SGCZ: variants seen among roughly 807,000 people sequenced by gnomAD.
SGCZ encodes the protein sarcoglycan zeta, also known as zeta-sarcoglycan.
A neutral mutation model predicts 41.3 loss-of-function variants in SGCZ; 40 were observed. The observed-to-expected ratio is 0.97, with a 90% CI of 0.75 to 1.26. The LOEUF (loss-of-function observed/expected upper bound fraction) is 1.26, where lower values mean the gene tolerates loss of function less well. Among genes scored for constraint, SGCZ ranks in the 50% most tolerant of loss-of-function variants. The pLI is 0.00. For missense variants in SGCZ, 552 were observed against 369.8 expected, an observed-to-expected ratio of 1.49 and a Z score of -4.04; for synonymous variants, 206 against 137.5, an observed-to-expected ratio of 1.50 and a Z score of -3.49.
At chr8:15,186,262 CAAAAAAAAAAAAAAAAAAAAAAAAAA>C (rs61237091) in intron 1 of SGCZ, among the ~76,000 whole-genome samples, 2 of 80,716 alleles carry the variant, frequency 2.5e-5, no homozygotes, top group Non-Finnish European at 4.4e-5. Flanking sequence ...GATTCCGTAC[CAAAAAAAAAAAAAAAAAAAAAAAAAA>C]AAAAAAAAAA....
intron 1 of SGCZ, among the ~76,000 whole-genome samples, chr8:14,568,303 C>T (rs1283860771): frequency 6.6e-6 from 1 of 151,746 alleles, no homozygotes; most frequent in Non-Finnish European, 1.5e-5. Context: ...AAACCTAGAT[C>T]ATGGGTTGAT....
At chr8:15,193,839 GTTCTACTTATTTT>G (rs1563176829) in intron 1 of SGCZ, among the ~76,000 whole-genome samples, 2 of 152,042 alleles carry the variant, frequency 1.3e-5, no homozygotes, top group African/African-American at 4.8e-5. Context: ...CACAAACCAC[GTTCTACTTATTTT>G]TTACATTTAT....
intron 1 of SGCZ, among the ~76,000 whole-genome samples, chr8:14,875,047 T>C (rs1804299190): frequency 6.6e-6 from 1 of 152,190 alleles, no homozygotes. Flanking sequence ...TGTGTATTGC[T>C]ATAACAAATG....
intron 3 of SGCZ, among the ~76,000 whole-genome samples, chr8:14,260,019 G>T (rs575208491): frequency 6.6e-6 from 1 of 152,026 alleles, no homozygotes; most frequent in African/African-American, 2.4e-5. Flanking sequence ...TCCTTGAAGA[G>T]GTCCTTCACA....
At chr8:15,156,453 T>G (rs1451963290) in intron 1 of SGCZ, among the ~76,000 whole-genome samples, 2 of 152,222 alleles carry the variant, frequency 1.3e-5, no homozygotes, top group Non-Finnish European at 2.9e-5. Context: ...GAAATCACTC[T>G]TGGATAGAAT....
At chr8:14,267,745 G>T (rs1307668298) in intron 3 of SGCZ, among the ~76,000 whole-genome samples, 1 of 152,018 alleles carries the variant, frequency 6.6e-6, no homozygotes, top group African/African-American at 2.4e-5. Flanking sequence ...AGTGTGAGGA[G>T]TTTGGGCTCA....
chr8:14,201,876 A>C (rs1805466836), intron 4 of SGCZ, among the ~76,000 whole-genome samples: 1 of 152,176 alleles, frequency 6.6e-6, no homozygotes, highest in Non-Finnish European at 1.5e-5. Context: ...AACAATAACA[A>C]CAAAACTGTT....
intron 1 of SGCZ, among the ~76,000 whole-genome samples, chr8:14,658,564 T>C (rs1451679526): frequency 1.3e-5 from 2 of 152,180 alleles, no homozygotes; most frequent in African/African-American, 4.8e-5. Context: ...TACACTTTGG[T>C]TCGCCCACTC....
At chr8:15,187,971 T>C (rs555855165) in intron 1 of SGCZ, among the ~76,000 whole-genome samples, 2 of 152,152 alleles carry the variant, frequency 1.3e-5, no homozygotes, top group African/African-American at 4.8e-5. Flanking sequence ...ATGATATCCG[T>C]ATTTGTGTAT....
At chr8:14,877,864 G>A (rs1804421341) in intron 1 of SGCZ, among the ~76,000 whole-genome samples, 1 of 151,666 alleles carries the variant, frequency 6.6e-6, no homozygotes, top group South Asian at 2.1e-4. Flanking sequence ...GGATTTTCAT[G>A]TTCCTTTCTG....
intron 1 of SGCZ, among the ~76,000 whole-genome samples, chr8:15,088,084 G>C (rs941413820): frequency 1.3e-5 from 2 of 152,056 alleles, no homozygotes; most frequent in Non-Finnish European, 2.9e-5. Flanking sequence ...AATAGAAAAA[G>C]GATCTGAAAG....
At chr8:15,154,403 C>A (rs1799268604) in intron 1 of SGCZ, among the ~76,000 whole-genome samples, 1 of 152,174 alleles carries the variant, frequency 6.6e-6, no homozygotes, top group Admixed American at 6.5e-5. Flanking sequence ...TGCCTCCCTT[C>A]CAGTGGCCAG....
intron 1 of SGCZ, among the ~76,000 whole-genome samples, chr8:14,916,610 C>CA (rs1186159413): frequency 6.6e-6 from 1 of 151,970 alleles, no homozygotes; most frequent in African/African-American, 2.4e-5. Flanking sequence ...CCTTTAAAGG[C>CA]AAAAAAGCAA....
intron 1 of SGCZ, among the ~76,000 whole-genome samples, chr8:15,156,081 GAGTGA>G (rs1055685871): frequency 1.7e-5 from 2 of 118,034 alleles, no homozygotes; most frequent in African/African-American, 6.9e-5. Context: ...AAAAATAGAA[GAGTGA>G]AGTGAAGGTC....
intron 1 of SGCZ, among the ~76,000 whole-genome samples, chr8:14,834,393 C>G (rs1802629196): frequency 1.3e-5 from 2 of 152,164 alleles, no homozygotes; most frequent in South Asian, 4.2e-4. Context: ...ACAGTATTAC[C>G]AAATCAATTT....
At position 14,085,826 on chromosome 8, in the gene SGCZ, T is replaced by G. The variant is rs1051584628; in HGVS notation, c.*4617A>C. Among the ~76,000 whole-genome samples, 2 of 151,820 alleles carry G rather than the reference T, an allele frequency of 1.3e-5. No individual in the cohort carries two copies. The highest frequency in any genetic ancestry group is 4.8e-5 in the African/African-American group (2 of 41,414). ...AGGATCCTCCAAGAAGGATGTTTACTACCTCATGTTATAATTATAAGCCCC... is the reference window on the plus strand; with the variant it reads ...AGGATCCTCCAAGAAGGATGTTTACGACCTCATGTTATAATTATAAGCCCC... On this transcript the variant is annotated 3_prime_UTR_variant, in exon 8 of 8. Coordinates refer to ENST00000382080, the MANE Select transcript of SGCZ (RefSeq NM_139167.4).
At chr8:14,822,673 C>T (rs75622016) in intron 1 of SGCZ, among the ~76,000 whole-genome samples, 6,043 of 152,084 alleles carry the variant, frequency 0.04, 170 homozygotes, top group South Asian at 0.077. Context: ...AACAAATTTA[C>T]CCACTTACAG....
At chr8:15,120,790 A>T (rs1470225177) in intron 1 of SGCZ, among the ~76,000 whole-genome samples, 1 of 152,112 alleles carries the variant, frequency 6.6e-6, no homozygotes, top group African/African-American at 2.4e-5. Context: ...GATTTTCCCA[A>T]ATCTCTCAAA....
chr8:14,457,276 G>A (rs958143391), intron 2 of SGCZ, among the ~76,000 whole-genome samples: 6 of 152,204 alleles, frequency 3.9e-5, no homozygotes, highest in Admixed American at 3.3e-4. Flanking sequence ...AAAAGAGTGC[G>A]AGCCTTCTGT....
Sources: gnomAD v4.1 joint callset for allele counts (sites outside exome capture counted in the v4.1 genomes callset) on GRCh38, gnomAD v4.1.1 for gene constraint, MANE v1.5 for transcripts, NCBI Gene and HGNC (gene_info 2026-07-23, HGNC 2026-07-21) for gene names.